ZFPM2: variants seen among roughly 807,000 people sequenced by gnomAD.
The protein encoded by ZFPM2 is zinc finger protein ZFPM2.
A neutral mutation model predicts 98.6 loss-of-function variants in ZFPM2; 20 were observed. The observed-to-expected ratio is 0.20, with a 90% CI of 0.14 to 0.29. ZFPM2 has a LOEUF of 0.29. Among genes scored for constraint, ZFPM2 ranks in the 10% least tolerant of loss-of-function variants. The pLI, the probability that ZFPM2 is intolerant of heterozygous loss-of-function variation, is 1.00. For synonymous variants in ZFPM2, 518 were observed against 502.7 expected (o/e 1.03, Z -0.41); for missense variants, 1,310 against 1,388.6 (o/e 0.94, Z 0.90).
intron 4 of ZFPM2, among the ~76,000 whole-genome samples, chr8:105,589,815 G>A (rs1489032452): frequency 9.9e-5 from 15 of 152,048 alleles, no homozygotes; most frequent in Admixed American, 2.6e-4. Context: ...AACTCCCCCC[G>A]GGTTCAAGCG....
chr8:105,760,919 G>A (rs1812720424), intron 5 of ZFPM2, among the ~76,000 whole-genome samples: 1 of 151,840 alleles, frequency 6.6e-6, no homozygotes, highest in Non-Finnish European at 1.5e-5. Flanking sequence ...TACAATCCTT[G>A]GAACAACCAT....
chr8:105,614,824 C>A (rs1816380406), intron 4 of ZFPM2, among the ~76,000 whole-genome samples: 1 of 152,036 alleles, frequency 6.6e-6, no homozygotes, highest in Non-Finnish European at 1.5e-5. Flanking sequence ...CTATTCACAG[C>A]AATTAAATGA....
intron 4 of ZFPM2, among the ~76,000 whole-genome samples, chr8:105,614,671 G>A (rs993979865): frequency 2.0e-5 from 3 of 151,920 alleles, no homozygotes; most frequent in Admixed American, 6.6e-5. Context: ...ATTGGAACGC[G>A]GGACCCTATG....
chr8:105,546,247 T>C (rs1214342800), intron 3 of ZFPM2, among the ~76,000 whole-genome samples: 2 of 152,182 alleles, frequency 1.3e-5, no homozygotes, highest in Admixed American at 6.6e-5. Context: ...TTTATCCATA[T>C]GTTTTATTTT....
chr8:105,593,653 A>AAG (rs1815899446), intron 4 of ZFPM2, among the ~76,000 whole-genome samples: 1 of 92,584 alleles, frequency 1.1e-5, no homozygotes, highest in Non-Finnish European at 2.5e-5. Flanking sequence ...CCATTCCAAG[A>AAG]AAAAAAAAAA....
intron 5 of ZFPM2, among the ~76,000 whole-genome samples, chr8:105,660,287 A>G (rs566640810): frequency 6.6e-6 from 1 of 152,106 alleles, no homozygotes; most frequent in Non-Finnish European, 1.5e-5. Flanking sequence ...TCCAGAGGGG[A>G]AAACCTTCCT....
chr8:105,757,121 A>G (rs1169217830), intron 5 of ZFPM2, among the ~76,000 whole-genome samples: 1 of 152,180 alleles, frequency 6.6e-6, no homozygotes, highest in Non-Finnish European at 1.5e-5. Flanking sequence ...AGCTGTGGGG[A>G]AATATAGTCC....
intron 1 of ZFPM2, among the ~76,000 whole-genome samples, chr8:105,399,962 T>C (rs1480653538): frequency 1.3e-5 from 2 of 152,066 alleles, no homozygotes; most frequent in Non-Finnish European, 2.9e-5. Flanking sequence ...GAGATGGTGT[T>C]TCACCATGTT....
At chr8:105,387,625 T>A (rs1429807364) in intron 1 of ZFPM2, 4 of 152,444 alleles carry the variant, frequency 2.6e-5, no homozygotes, top group Admixed American at 1.3e-4. Context: ...GAACTGGCAC[T>A]GACCCGCAAG....
At chr8:105,689,877 A>G (rs1264939675) in intron 5 of ZFPM2, among the ~76,000 whole-genome samples, 1 of 152,222 alleles carries the variant, frequency 6.6e-6, no homozygotes, top group African/African-American at 2.4e-5. Context: ...AGAAGGATCA[A>G]TAGGCTGTCC....
intron 4 of ZFPM2, among the ~76,000 whole-genome samples, chr8:105,569,458 A>T (rs1339811237): frequency 6.6e-6 from 1 of 152,210 alleles, no homozygotes; most frequent in African/African-American, 2.4e-5. Flanking sequence ...AGGAAATGCT[A>T]TCTTGTACCT....
At chr8:105,788,666 A>G (rs1813494540) in intron 5 of ZFPM2, 52 bp from the exon 6 acceptor site, 2 of 1,560,670 alleles carry the variant, frequency 1.3e-6, no homozygotes, top group Non-Finnish European at 1.8e-6. Context: ...AGTTTACAAC[A>G]GACTCAAGCA....
At chr8:105,685,465 T>C (rs139184309) in intron 5 of ZFPM2, among the ~76,000 whole-genome samples, 96 of 152,266 alleles carry the variant, frequency 6.3e-4, no homozygotes, top group African/African-American at 2.0e-3. Context: ...TCTGCTTACC[T>C]ACGTTGCATT....
At chr8:105,441,452 GAGAA>G (rs34216988) in intron 2 of ZFPM2, among the ~76,000 whole-genome samples, 6,628 of 38,882 alleles carry the variant, frequency 0.17, 607 homozygotes, top group Middle Eastern at 0.22. Context: ...GAGAGAGAGA[GAGAA>G]AGAAAGAAAG....
At chr8:105,487,447 T>G (rs1813252304) in intron 3 of ZFPM2, among the ~76,000 whole-genome samples, 1 of 152,156 alleles carries the variant, frequency 6.6e-6, no homozygotes, top group Admixed American at 6.5e-5. Context: ...CATCTAAGTT[T>G]TAATTTATTC....
intron 1 of ZFPM2, among the ~76,000 whole-genome samples, chr8:105,357,385 T>G (rs771355920): frequency 6.6e-6 from 1 of 152,234 alleles, no homozygotes; most frequent in Non-Finnish European, 1.5e-5. Context: ...GTAAGCATTT[T>G]AAGGACACAC....
At chr8:105,570,173 A>G (rs1324081995) in intron 4 of ZFPM2, among the ~76,000 whole-genome samples, 2 of 152,160 alleles carry the variant, frequency 1.3e-5, no homozygotes, top group Non-Finnish European at 2.9e-5. Flanking sequence ...TGGAGAATTA[A>G]TGGAAACTGA....
At chr8:105,650,703 A>G (rs1452786613) in intron 5 of ZFPM2, among the ~76,000 whole-genome samples, 2 of 152,164 alleles carry the variant, frequency 1.3e-5, no homozygotes, top group Admixed American at 1.3e-4. Flanking sequence ...GAGTTTCTTA[A>G]TCCTGAGTTC....
chr8:105,640,689 C>T (rs35244211), intron 5 of ZFPM2, among the ~76,000 whole-genome samples: 16,536 of 151,816 alleles, frequency 0.11, 1,062 homozygotes, highest in South Asian at 0.22. Context: ...TGTAAAAGTC[C>T]GAACCATGTT....
Sources: allele counts gnomAD v4.1 joint callset (sites outside exome capture counted in the v4.1 genomes callset), GRCh38; gene constraint gnomAD v4.1.1; transcripts MANE v1.5; gene names NCBI Gene and HGNC (gene_info 2026-07-23, HGNC 2026-07-21).